RBM41: variants seen among roughly 807,000 people sequenced by gnomAD.
RBM41 encodes RNA binding motif protein 41, also known as RNA-binding protein 41.
In RBM41, 14 loss-of-function variants were observed where a neutral mutation model predicts 30.8. The observed-to-expected ratio is 0.45, with a 90% confidence interval of 0.30 to 0.71. RBM41 has a LOEUF of 0.71. Among genes scored for constraint, RBM41 ranks in the 30% least tolerant of loss-of-function variants. RBM41 has a pLI of 0.08. For missense variants in RBM41, 276 were observed against 326.3 expected (o/e 0.85, Z 1.19); for synonymous variants, 120 against 110.1 (o/e 1.09, Z -0.56).
intron 5 of RBM41, among the ~76,000 whole-genome samples, chrX:107,106,709 G>A (rs1331692871): frequency 1.8e-5 from 2 of 110,910 alleles, no homozygotes; most frequent in Non-Finnish European, 3.8e-5. Context: ...ATGAGTTCAT[G>A]TCCTTTGTAG....
chrX:107,088,882 C>T (rs1922276287), intron 5 of RBM41, 43 bp from the exon 6 acceptor site: 2 of 1,146,715 alleles, frequency 1.7e-6, no homozygotes, highest in East Asian at 6.0e-5. Flanking sequence ...CAAAGCCTAC[C>T]AATACAACCT....
intron 5 of RBM41, among the ~76,000 whole-genome samples, chrX:107,105,845 T>C (rs765373625): frequency 9.0e-6 from 1 of 111,596 alleles, no homozygotes; most frequent in South Asian, 3.8e-4. Flanking sequence ...ATCCCTTCCT[T>C]ACACCTTATA....
At chrX:107,103,429 A>G (rs1182866035) in intron 5 of RBM41, among the ~76,000 whole-genome samples, 1 of 2,585 alleles carries the variant, frequency 3.9e-4, no homozygotes, top group Non-Finnish European at 4.9e-4. Context: ...AACACCAAGA[A>G]TTGCTGGCAA....
intron 6 of RBM41, among the ~76,000 whole-genome samples, chrX:107,074,414 A>G (rs548148914): frequency 1.8e-5 from 2 of 111,892 alleles, no homozygotes; most frequent in East Asian, 5.6e-4. Flanking sequence ...CCCACAGTTC[A>G]AATAGCTTTC....
At chrX:107,090,591 A>C (rs1340619502) in intron 5 of RBM41, among the ~76,000 whole-genome samples, 1 of 110,626 alleles carries the variant, frequency 9.0e-6, no homozygotes, top group African/African-American at 3.3e-5. Context: ...CTCATCTTGC[A>C]TACCTCCTAA....
rs56287307 is a variant in RBM41, at chrX:107,062,451, C to T, written c.*5076G>A. Among the ~76,000 whole-genome samples the T allele has an allele frequency of 2.0e-3, 222 of 111,008 alleles. No homozygotes were observed. Among genetic ancestry groups the T allele is most frequent in the African/African-American group, 7.1e-3 (217 of 30,544 alleles). On this transcript the variant is annotated 3_prime_UTR_variant, in exon 8 of 8. Transcript: ENST00000685964. ...TGCCCCTGGTAACATGTATCAGAGG[C>T]TATATCAGGATAATTTATTCCTTGT...
intron 6 of RBM41, among the ~76,000 whole-genome samples, chrX:107,087,348 G>A (rs1024938348): frequency 9.0e-6 from 1 of 110,692 alleles, no homozygotes; most frequent in African/African-American, 3.3e-5. Flanking sequence ...AATTCAATCA[G>A]TCAAACAAAC....
rs186018707 is a variant in RBM41 at position 107,084,553 on chromosome X, G to A, written c.999+3883C>T. On this transcript the variant is annotated intron_variant, in intron 6 of 7. Coordinates refer to ENST00000685964, the MANE Select transcript of RBM41 (RefSeq NM_001324242.2). Reference sequence around the variant, plus strand: ...TTCTTCGGTCTTTACCTTGAAACTTGTGGGGTTCCTGGAAGCAATCAAAAC... The same window carrying A: ...TTCTTCGGTCTTTACCTTGAAACTTATGGGGTTCCTGGAAGCAATCAAAAC... 2.6e-3 allele frequency among the ~76,000 whole-genome samples: 291 copies of A among 111,109 alleles called. 3 individuals carry two copies. The highest frequency in any genetic ancestry group is 9.0e-3 in the African/African-American group (274 of 30,543).
Position 107,067,596 on chromosome X carries a change from C to A in RBM41, c.1245G>T (p.Arg415=), listed in dbSNP as rs763525417. 8.3e-7 allele frequency: 1 copy of A among 1,210,787 alleles called. No homozygotes were observed. ...TGAGAGAAGTCGCTTGGAGATTTGACCGTTGCTTTTTGTTCTTTCCAAACT... is the reference window on the plus strand; with the variant it reads ...TGAGAGAAGTCGCTTGGAGATTTGAACGTTGCTTTTTGTTCTTTCCAAACT... The part of the protein sequence containing the change: ...VIEFGKNKKQ[R]SNLQATSLIS... The change falls in exon 8 of 8, where the codon CGG becomes CGT. Residue 415 remains arginine (R), a synonymous_variant. Coordinates refer to ENST00000685964, the MANE Select transcript of RBM41 (RefSeq NM_001324242.2).
At chrX:107,104,748 A>T (rs1165635756) in intron 5 of RBM41, among the ~76,000 whole-genome samples, 1 of 111,493 alleles carries the variant, frequency 9.0e-6, no homozygotes, top group Non-Finnish European at 1.9e-5. Flanking sequence ...GATGAAGCCC[A>T]CTTGATCATG....
chrX:107,073,898 T>C (rs1936150347), intron 6 of RBM41, among the ~76,000 whole-genome samples: 2 of 111,588 alleles, frequency 1.8e-5, no homozygotes, highest in East Asian at 5.6e-4. Flanking sequence ...TTTTTACTTA[T>C]ATGTGGGAGC....
intron 6 of RBM41, among the ~76,000 whole-genome samples, chrX:107,083,854 A>G (rs1360489992): frequency 9.1e-6 from 1 of 109,464 alleles, no homozygotes; most frequent in African/African-American, 3.3e-5. Flanking sequence ...TTTAAATTCC[A>G]TATCTGATAA....
chrX:107,086,103 C>A (rs1199449036), intron 6 of RBM41, among the ~76,000 whole-genome samples: 5 of 111,987 alleles, frequency 4.5e-5, no homozygotes, highest in African/African-American at 1.6e-4. Context: ...CATAACCTCA[C>A]TGGAAATCAG....
intron 5 of RBM41, among the ~76,000 whole-genome samples, chrX:107,110,597 T>A (rs988571904): frequency 4.5e-5 from 5 of 111,604 alleles, no homozygotes; most frequent in Non-Finnish European, 7.6e-5. Context: ...AAATCCATTC[T>A]AAAATTCATA....
In RBM41 at chrX:107,062,631, T is replaced by A. The variant is rs950680844; in HGVS notation, c.*4896A>T. Among the ~76,000 whole-genome samples, 3 of 107,998 alleles carry A rather than the reference T, an allele frequency of 2.8e-5. No homozygotes were observed. The highest frequency in any genetic ancestry group is 9.7e-5 in the Admixed American group (1 of 10,291). The allele number at this position is 107,998 out of a possible 115,157, so 93.8% of individuals were successfully genotyped here. A position where few individuals can be genotyped will look rare whatever the true frequency, so the allele number is the denominator to read the frequency against. ...CATTGGCAGAATATTTTTTAAAAAA[T>A]TTTTTAGTTAAAAAAAAAAATGAAA... On this transcript the variant is annotated 3_prime_UTR_variant, in exon 8 of 8. Coordinates refer to ENST00000685964, the MANE Select transcript of RBM41 (RefSeq NM_001324242.2).
Position 107,082,634 on chromosome X carries a change from T to C in RBM41, c.999+5802A>G, listed in dbSNP as rs147429840. ...ACTGTAAAAAATGAGTATTATTTTATATGCTTCCATTTTCACCCTTCTCTT... is the reference window on the plus strand; with the variant it reads ...ACTGTAAAAAATGAGTATTATTTTACATGCTTCCATTTTCACCCTTCTCTT... On this transcript the variant is annotated intron_variant, in intron 6 of 7. Transcript: ENST00000685964. Among the ~76,000 whole-genome samples, 343 of 111,509 alleles carry C rather than the reference T, an allele frequency of 3.1e-3. 1 individual carries two copies. The highest frequency in any genetic ancestry group is 0.011 in the African/African-American group (328 of 30,823).
At chrX:107,112,079 T>C (rs1408333376) in intron 5 of RBM41, among the ~76,000 whole-genome samples, 1 of 111,319 alleles carries the variant, frequency 9.0e-6, no homozygotes, top group Non-Finnish European at 1.9e-5. Flanking sequence ...CAAAAGACAC[T>C]GTTAAGAGAA....
chrX:107,098,763 G>A (rs1393187038), intron 5 of RBM41, among the ~76,000 whole-genome samples: 2 of 111,691 alleles, frequency 1.8e-5, no homozygotes, highest in Non-Finnish European at 3.8e-5. Context: ...CACTTTGGGA[G>A]GCCAAGGAGG....
rs1935822682 is a variant in RBM41, at chrX:107,065,974, A to T, written c.*1553T>A. Among the ~76,000 whole-genome samples the T allele has an allele frequency of 8.9e-6, 1 of 112,417 alleles. No homozygotes were observed. The highest frequency in any genetic ancestry group is 1.9e-5 in the Non-Finnish European group (1 of 53,221). On this transcript the variant is annotated 3_prime_UTR_variant, in exon 8 of 8. Transcript: ENST00000685964. ...TCTGTGGTCACTTGCTTTCAGGCTG[A>T]AGAACTTCCTTTTGTATTTCCAGCA... is the stretch of plus-strand genomic sequence containing the variant.
Sources: allele counts gnomAD v4.1 joint callset (sites outside exome capture counted in the v4.1 genomes callset), GRCh38; gene constraint gnomAD v4.1.1; transcripts MANE v1.5; gene names NCBI Gene and HGNC (gene_info 2026-07-23, HGNC 2026-07-21).